The following ELAPOR2 variants were observed in gnomAD, a reference collection of about 807,000 sequenced individuals.
ELAPOR2 encodes endosome-lysosome associated apoptosis and autophagy regulator family member 2, also known as endosome/lysosome-associated apoptosis and autophagy regulator family member 2.
Under a neutral mutation model 120.7 loss-of-function variants are expected in ELAPOR2, and 89 were observed. The ratio of observed to expected loss-of-function variants is 0.74; its 90% CI spans 0.62 to 0.88. The LOEUF (loss-of-function observed/expected upper bound fraction) is 0.88, where lower values mean the gene tolerates loss of function less well. Ranked by LOEUF, ELAPOR2 falls within the 40% of genes least tolerant of loss-of-function variation. The probability of loss-of-function intolerance (pLI) is 0.00; values close to 1 mark genes in which losing one functional copy is unlikely to be tolerated. For missense variants in ELAPOR2, 1,134 were observed against 1,251.6 expected, an observed-to-expected ratio of 0.91 and a Z score of 1.42; for synonymous variants, 444 against 444.9, an observed-to-expected ratio of 1.00 and a Z score of 0.03.
chr7:87,031,397 T>C (rs1794419216), intron 1 of ELAPOR2, among the ~76,000 whole-genome samples: 2 of 151,990 alleles, frequency 1.3e-5, no homozygotes, highest in African/African-American at 2.4e-5. Flanking sequence ...AGCCTCTGAA[T>C]GAGTGGCATG....
In ELAPOR2 at chr7:86,877,556, T is replaced by A. The variant is rs1025500173; in HGVS notation, c.*2915A>T. On this transcript the variant is annotated 3_prime_UTR_variant, in exon 22 of 22. Coordinates refer to ENST00000450689, the MANE Select transcript of ELAPOR2 (RefSeq NM_001142749.3). ...TCTCACAGCAACCCCCAGAGAAATT[T>A]ATTTCTATGAGGAAGAGAGAAATTA... 2.6e-5 allele frequency: 4 copies of A among 152,190 alleles called. No homozygotes were observed. Among genetic ancestry groups the A allele is most frequent in the Admixed American group, 1.3e-4 (2 of 15,260 alleles). The allele number at this position is 152,190 out of a possible 1,614,324, so 9.4% of individuals were successfully genotyped here.
intron 1 of ELAPOR2, among the ~76,000 whole-genome samples, chr7:86,972,970 G>A (rs574895457): frequency 6.6e-6 from 1 of 152,162 alleles, no homozygotes; most frequent in South Asian, 2.1e-4. Context: ...TAATTTTCAT[G>A]ACATTAACCC....
intron 8 of ELAPOR2, among the ~76,000 whole-genome samples, chr7:86,935,326 T>C (rs1183214633): frequency 6.6e-6 from 1 of 152,032 alleles, no homozygotes; most frequent in South Asian, 2.1e-4. Context: ...AAATACACTA[T>C]GCTCCTTCCC....
chr7:86,916,347 G>T (rs1789567891), intron 12 of ELAPOR2, among the ~76,000 whole-genome samples: 1 of 152,266 alleles, frequency 6.6e-6, no homozygotes, highest in Admixed American at 6.5e-5. Flanking sequence ...AAGTATGATT[G>T]GAGTTCATCA....
rs146346455 is a variant in ELAPOR2 at position 86,988,051 on chromosome 7, C to A, written c.190-23027G>T. Among the ~76,000 whole-genome samples the A allele has an allele frequency of 2.5e-3, 385 of 152,278 alleles. 1 individual carries two copies. Among genetic ancestry groups the A allele is most frequent in the African/African-American group, 9.0e-3 (373 of 41,546 alleles). ...GATGAGTTCATGTCCTTTGCAGCGA[C>A]ATGGAGGAAGCTGGAAACCATGATT... On this transcript the variant is annotated intron_variant, in intron 1 of 21. Coordinates refer to ENST00000450689, the MANE Select transcript of ELAPOR2 (RefSeq NM_001142749.3).
intron 10 of ELAPOR2, among the ~76,000 whole-genome samples, chr7:86,920,058 T>C (rs1346592531): frequency 2.0e-5 from 3 of 152,058 alleles, no homozygotes; most frequent in South Asian, 4.1e-4. Flanking sequence ...TTTCCATCTC[T>C]AAAAGAAAAT....
At chr7:86,969,711 T>G (rs575867280) in intron 1 of ELAPOR2, among the ~76,000 whole-genome samples, 61 of 152,314 alleles carry the variant, frequency 4.0e-4, no homozygotes, top group African/African-American at 1.3e-3. Context: ...AAGTAAAAAC[T>G]CTTGTCAAAA....
At chr7:86,943,652 CA>C (rs1790889096) in intron 4 of ELAPOR2, among the ~76,000 whole-genome samples, 1 of 151,972 alleles carries the variant, frequency 6.6e-6, no homozygotes, top group African/African-American at 2.4e-5. Flanking sequence ...TTGGGCAATA[CA>C]AATCTAAACA....
chr7:86,972,595 A>C (rs1422402627), intron 1 of ELAPOR2, among the ~76,000 whole-genome samples: 1 of 151,596 alleles, frequency 6.6e-6, no homozygotes, highest in Admixed American at 6.6e-5. Context: ...AAAAAAAAAA[A>C]GTTTTTTGTT....
At chr7:86,929,318 C>G (rs12704299) in intron 8 of ELAPOR2, among the ~76,000 whole-genome samples, 58,594 of 151,702 alleles carry the variant, frequency 0.39, 13,977 homozygotes, top group African/African-American at 0.69. Context: ...TAAATTGGCT[C>G]AACTCATCAG....
intron 8 of ELAPOR2, among the ~76,000 whole-genome samples, chr7:86,931,274 A>G (rs965126870): frequency 1.3e-5 from 2 of 151,938 alleles, no homozygotes; most frequent in Non-Finnish European, 2.9e-5. Flanking sequence ...GAGTACGTTC[A>G]CAAATATGGA....
At chr7:86,984,394 C>G (rs536216993) in intron 1 of ELAPOR2, among the ~76,000 whole-genome samples, 1 of 152,174 alleles carries the variant, frequency 6.6e-6, no homozygotes, top group African/African-American at 2.4e-5. Context: ...TTATTCTCAG[C>G]ACCACATTGC....
chr7:87,058,737 A>C (rs1795338550), intron 1 of ELAPOR2, among the ~76,000 whole-genome samples: 1 of 152,164 alleles, frequency 6.6e-6, no homozygotes, highest in Non-Finnish European at 1.5e-5. Context: ...TTCTCTACCA[A>C]GTACATACTC....
chr7:86,919,258 A>G lies in ELAPOR2; in HGVS notation c.1452T>C (p.Asn484=), dbSNP rs532621246. 6.2e-7 allele frequency: 1 copy of G among 1,612,384 alleles called. No individual in the cohort carries two copies. Among genetic ancestry groups the G allele is most frequent in the African/African-American group, 1.3e-5 (1 of 74,930 alleles). The change falls in exon 11 of 22, where the codon AAT becomes AAC. Residue 484 remains asparagine, a synonymous_variant. Transcript: ENST00000450689. ...HIQSGAGGSD[N]DYLILNLHIP... ...TATGCAAGTTTAAGATCAGGTAATC[A>G]TTGTCAGAACCTCCAGCCCCACTCT...
In ELAPOR2 at chr7:86,944,955, C is replaced by G; in HGVS notation, c.598G>C (p.Gly200Arg). The G allele has an allele frequency of 6.5e-7, 1 of 1,549,690 alleles. No individual in the cohort carries two copies. The highest frequency in any genetic ancestry group is 8.7e-7 in the Non-Finnish European group (1 of 1,145,600). The change falls in exon 4 of 22, where the codon GGC (glycine) becomes CGC (arginine). Residue 200 changes from glycine (G) to arginine (R), a missense_variant. Gly to Arg is a moderately radical substitution (Grantham distance 125). This residue lies in a region of ELAPOR2 where 280 missense variants were observed against 331.5 expected (regional missense o/e 0.84). Transcript: ENST00000450689. ...TACTGGTACTCAAAGAAGACATAGC[C>G]TGACTTCTTAAGGTGCACAGCATAG... Reference protein sequence around the residue: ...LIYAVHLKKSGYVFFEYQYVD... With the variant: ...LIYAVHLKKSRYVFFEYQYVD...
At chr7:86,979,662 G>A (rs1440746287) in intron 1 of ELAPOR2, among the ~76,000 whole-genome samples, 1 of 152,160 alleles carries the variant, frequency 6.6e-6, no homozygotes, top group Non-Finnish European at 1.5e-5. Flanking sequence ...AGGGTATAGA[G>A]TAATAAAAGA....
intron 2 of ELAPOR2, among the ~76,000 whole-genome samples, chr7:86,958,125 G>A (rs919173824): frequency 6.6e-6 from 1 of 152,152 alleles, no homozygotes; most frequent in Admixed American, 6.5e-5. Context: ...CAAAGAGACA[G>A]TCCCATAGAC....
chr7:87,036,904 C>A (rs74528687), intron 1 of ELAPOR2, among the ~76,000 whole-genome samples: 2 of 151,986 alleles, frequency 1.3e-5, no homozygotes, highest in African/African-American at 4.8e-5. Flanking sequence ...AGATAACAAA[C>A]GTACAAATGT....
chr7:86,881,635 C>A (rs1799409379), intron 21 of ELAPOR2, among the ~76,000 whole-genome samples: 1 of 152,112 alleles, frequency 6.6e-6, no homozygotes, highest in East Asian at 1.9e-4. Context: ...GGATTACAGG[C>A]ATGAGCCACT....
Sources: allele counts gnomAD v4.1 joint callset (sites outside exome capture counted in the v4.1 genomes callset), GRCh38; gene constraint gnomAD v4.1.1; regional missense constraint gnomAD v4.1.1; transcripts MANE v1.5; gene names NCBI Gene and HGNC (gene_info 2026-07-23, HGNC 2026-07-21).